The following RSBN1L variants were observed in gnomAD, a reference collection of about 807,000 sequenced individuals.
The protein encoded by RSBN1L is lysine-specific demethylase RSBN1L.
Under a neutral mutation model 67.7 loss-of-function variants are expected in RSBN1L, and 30 were observed. The ratio of observed to expected loss-of-function variants is 0.44; its 90% CI spans 0.33 to 0.60. The LOEUF (loss-of-function observed/expected upper bound fraction) is 0.60. RSBN1L is among the 20% of genes least tolerant of loss of function. RSBN1L has a pLI of 0.02. For missense variants in RSBN1L, 992 were observed against 1,031.7 expected, an observed-to-expected ratio of 0.96 and a Z score of 0.53; for synonymous variants, 433 against 387.0, an observed-to-expected ratio of 1.12 and a Z score of -1.39.
intron 6 of RSBN1L, among the ~76,000 whole-genome samples, chr7:77,777,766 A>G (rs906479745): frequency 5.3e-5 from 8 of 152,060 alleles, no homozygotes; most frequent in African/African-American, 1.9e-4. Flanking sequence ...GTATTTATAT[A>G]TTCCTAATTA....
chr7:77,774,865 T>G (rs1791892854), intron 6 of RSBN1L, among the ~76,000 whole-genome samples: 1 of 151,778 alleles, frequency 6.6e-6, no homozygotes, highest in Non-Finnish European at 1.5e-5. Flanking sequence ...CATTAAAAAT[T>G]TTTTTTTTCT....
At chr7:77,726,756 C>T (rs968587311) in intron 1 of RSBN1L, among the ~76,000 whole-genome samples, 5 of 145,116 alleles carry the variant, frequency 3.4e-5, no homozygotes, top group Non-Finnish European at 7.5e-5. Flanking sequence ...ACTACAGGCG[C>T]GTGCCACCAC....
chr7:77,725,243 A>AATTT (rs1554338354), intron 1 of RSBN1L, among the ~76,000 whole-genome samples: 4 of 57,918 alleles, frequency 6.9e-5, no homozygotes, highest in African/African-American at 3.5e-4. Context: ...TAAGCCCCCC[A>AATTT]CTTTTTTTTT....
At chr7:77,754,286 C>G (rs1791589966) in intron 3 of RSBN1L, among the ~76,000 whole-genome samples, 1 of 152,146 alleles carries the variant, frequency 6.6e-6, no homozygotes, top group African/African-American at 2.4e-5. Flanking sequence ...TCCACATAAA[C>G]TTTCGAATCA....
chr7:77,725,682 G>C (rs921392331), intron 1 of RSBN1L, among the ~76,000 whole-genome samples: 1 of 149,816 alleles, frequency 6.7e-6, no homozygotes, highest in East Asian at 2.0e-4. Flanking sequence ...TGTTGCTCAG[G>C]CTGGGTTCAA....
chr7:77,696,527 G>A lies in RSBN1L; in HGVS notation c.58G>A (p.Val20Ile). Reference sequence around the variant, plus strand: ...CGCTGCCGCGGCCCCCACCGCCACCGTCTCGGAGAAAGAACCGTTTGGCAA... The same window carrying A: ...CGCTGCCGCGGCCCCCACCGCCACCATCTCGGAGAAAGAACCGTTTGGCAA... ...CVAAAAPTAT[V>I]SEKEPFGKLQ... Residue 20 changes from valine (V) to isoleucine (I), a missense_variant, in exon 1 of 8, where the codon GTC becomes ATC. This residue lies in a region of RSBN1L where 575 missense variants were observed against 483.2 expected (regional missense o/e 1.19). Coordinates refer to ENST00000334955, the MANE Select transcript of RSBN1L (RefSeq NM_198467.3). 1 of 1,613,912 alleles carries A rather than the reference G, an allele frequency of 6.2e-7. No homozygotes were observed. Among genetic ancestry groups the A allele is most frequent in the Non-Finnish European group, 8.5e-7 (1 of 1,179,960 alleles).
chr7:77,761,981 A>G (rs1791702198), intron 3 of RSBN1L, among the ~76,000 whole-genome samples: 1 of 152,126 alleles, frequency 6.6e-6, no homozygotes, highest in African/African-American at 2.4e-5. Flanking sequence ...TGTTTTAAAC[A>G]TGTGAGAGCT....
chr7:77,705,489 C>A (rs961629109), intron 1 of RSBN1L, among the ~76,000 whole-genome samples: 4 of 147,648 alleles, frequency 2.7e-5, no homozygotes, highest in African/African-American at 1.0e-4. Context: ...GAGGTGACCA[C>A]TAGGTCTCTC....
intron 1 of RSBN1L, among the ~76,000 whole-genome samples, chr7:77,729,560 T>G (rs187819515): frequency 6.6e-6 from 1 of 152,226 alleles, no homozygotes; most frequent in Non-Finnish European, 1.5e-5. Flanking sequence ...TAGAAGTATA[T>G]TGGGTGAATG....
chr7:77,766,583 C>CT (rs909425856), intron 4 of RSBN1L, among the ~76,000 whole-genome samples: 13 of 151,536 alleles, frequency 8.6e-5, no homozygotes, highest in African/African-American at 2.9e-4. Flanking sequence ...GGTGCTAGGG[C>CT]TATCCCACTG....
intron 2 of RSBN1L, among the ~76,000 whole-genome samples, chr7:77,737,490 T>C (rs1442208595): frequency 1.3e-5 from 2 of 152,234 alleles, no homozygotes; most frequent in African/African-American, 4.8e-5. Flanking sequence ...TTTTCAGATA[T>C]TCGTTTTCTA....
intron 2 of RSBN1L, among the ~76,000 whole-genome samples, chr7:77,742,838 A>AAAC (rs908752168): frequency 9.2e-5 from 14 of 152,112 alleles, no homozygotes; most frequent in Admixed American, 1.3e-4. Flanking sequence ...ACCCTGTCTT[A>AAAC]AACAACAACA....
chr7:77,759,845 A>G (rs1005159862), intron 3 of RSBN1L: 3 of 152,234 alleles, frequency 2.0e-5, no homozygotes, highest in Admixed American at 2.0e-4. Flanking sequence ...GGACCAAATA[A>G]GTAATATTTG....
chr7:77,711,507 T>C (rs1790974376), intron 1 of RSBN1L, among the ~76,000 whole-genome samples: 1 of 151,998 alleles, frequency 6.6e-6, no homozygotes, highest in South Asian at 2.1e-4. Flanking sequence ...ACCTGGCTGA[T>C]TTAAAAAAAG....
At chr7:77,707,690 G>A (rs907010102) in intron 1 of RSBN1L, among the ~76,000 whole-genome samples, 2 of 152,132 alleles carry the variant, frequency 1.3e-5, no homozygotes, top group African/African-American at 4.8e-5. Context: ...AATAATGAAA[G>A]TACCAAAATT....
chr7:77,728,070 C>T (rs1791229915), intron 1 of RSBN1L, among the ~76,000 whole-genome samples: 2 of 152,084 alleles, frequency 1.3e-5, no homozygotes, highest in African/African-American at 4.8e-5. Context: ...GTACTTCAGC[C>T]TGAACTAGTT....
chr7:77,752,238 A>G (rs1476527420), intron 3 of RSBN1L, among the ~76,000 whole-genome samples: 1 of 152,154 alleles, frequency 6.6e-6, no homozygotes, highest in Admixed American at 6.5e-5. Flanking sequence ...CTCCAGGCAG[A>G]TGGATCCTGT....
chr7:77,726,387 G>T (rs1791203386), intron 1 of RSBN1L, among the ~76,000 whole-genome samples: 1 of 152,110 alleles, frequency 6.6e-6, no homozygotes, highest in African/African-American at 2.4e-5. Flanking sequence ...GACCTTGATT[G>T]TTTGAGGTGT....
chr7:77,705,073 A>G (rs566016157), intron 1 of RSBN1L, among the ~76,000 whole-genome samples: 56 of 152,180 alleles, frequency 3.7e-4, no homozygotes, highest in Admixed American at 3.7e-3. Context: ...TGTATCTCCA[A>G]TATCTTAACC....
Sources: gnomAD v4.1 joint callset for allele counts (sites outside exome capture counted in the v4.1 genomes callset) on GRCh38, gnomAD v4.1.1 for gene constraint, gnomAD v4.1.1 regional missense constraint, MANE v1.5 for transcripts, NCBI Gene and HGNC (gene_info 2026-07-23, HGNC 2026-07-21) for gene names.